Variants in VEGFC observed in about 807,000 individuals in gnomAD.
VEGFC encodes the protein FLT4 ligand DHM.
VEGFC carries 12 observed loss-of-function variants against 46.1 expected under a neutral mutation model. The ratio of observed to expected loss-of-function variants is 0.26; its 90% CI spans 0.17 to 0.42. The LOEUF (loss-of-function observed/expected upper bound fraction) is 0.42, where lower values mean the gene tolerates loss of function less well. VEGFC is among the 10% of genes least tolerant of loss of function. VEGFC has a pLI of 1.00. For synonymous variants in VEGFC, 232 were observed against 195.5 expected, an observed-to-expected ratio of 1.19 and a Z score of -1.56; for missense variants, 488 against 529.4, an observed-to-expected ratio of 0.92 and a Z score of 0.77.
At chr4:176,703,505 G>GT (rs1232213010) in intron 4 of VEGFC, among the ~76,000 whole-genome samples, 1 of 152,038 alleles carries the variant, frequency 6.6e-6, no homozygotes, top group African/African-American at 2.4e-5. Context: ...ATGAAGAGAG[G>GT]TTGGTAATGC....
intron 1 of VEGFC, among the ~76,000 whole-genome samples, chr4:176,771,402 C>G (rs551816348): frequency 6.6e-6 from 1 of 152,226 alleles, no homozygotes; most frequent in South Asian, 2.1e-4. Flanking sequence ...GTTTGATACA[C>G]AGTCTACTTA....
intron 1 of VEGFC, among the ~76,000 whole-genome samples, chr4:176,742,073 C>T (rs985841591): frequency 2.0e-5 from 3 of 151,864 alleles, no homozygotes; most frequent in Non-Finnish European, 2.9e-5. Flanking sequence ...TTCTACAACC[C>T]TTGTTCTCCT....
At chr4:176,719,185 T>C (rs1037720655) in intron 3 of VEGFC, among the ~76,000 whole-genome samples, 2 of 152,226 alleles carry the variant, frequency 1.3e-5, no homozygotes, top group African/African-American at 2.4e-5. Context: ...ATGAAGTATC[T>C]ATAAAAAACT....
At chr4:176,691,066 C>A (rs1734168346) in intron 4 of VEGFC, among the ~76,000 whole-genome samples, 1 of 152,116 alleles carries the variant, frequency 6.6e-6, no homozygotes, top group Non-Finnish European at 1.5e-5. Context: ...AAAGAAAGCA[C>A]CGTGCTTCAA....
chr4:176,779,199 C>T (rs1735866354), intron 1 of VEGFC, among the ~76,000 whole-genome samples: 1 of 152,030 alleles, frequency 6.6e-6, no homozygotes, highest in South Asian at 2.1e-4. Context: ...GAAAAGACAA[C>T]AGAGCTGATA....
At chr4:176,790,735 T>C (rs1338897039) in intron 1 of VEGFC, among the ~76,000 whole-genome samples, 2 of 152,234 alleles carry the variant, frequency 1.3e-5, no homozygotes, top group Admixed American at 1.3e-4. Context: ...GTTTTGACTT[T>C]GCAGAAATAG....
At chr4:176,752,146 T>C (rs1001237824) in intron 1 of VEGFC, among the ~76,000 whole-genome samples, 2 of 151,994 alleles carry the variant, frequency 1.3e-5, no homozygotes, top group Non-Finnish European at 2.9e-5. Flanking sequence ...ATCTTTTCTG[T>C]GATAAATACT....
intron 1 of VEGFC, among the ~76,000 whole-genome samples, chr4:176,741,693 A>C (rs1393442484): frequency 2.0e-5 from 3 of 152,006 alleles, no homozygotes; most frequent in African/African-American, 7.2e-5. Context: ...TACTGATTGT[A>C]CTGTTCATTA....
intron 1 of VEGFC, among the ~76,000 whole-genome samples, chr4:176,759,548 T>C (rs940253324): frequency 6.6e-6 from 1 of 152,106 alleles, no homozygotes; most frequent in Non-Finnish European, 1.5e-5. Flanking sequence ...GAAGATGTAA[T>C]ATACTCATGG....
intron 4 of VEGFC, among the ~76,000 whole-genome samples, chr4:176,695,676 A>C (rs1734298589): frequency 6.6e-6 from 1 of 152,188 alleles, no homozygotes; most frequent in Non-Finnish European, 1.5e-5. Flanking sequence ...GACACAACAA[A>C]AAAAGAGAAT....
rs189543702 is a variant in VEGFC, at chr4:176,743,814, C to G, written c.148-14068G>C. ...TTTATTCTGCAAGCTAAATAAAAAT[C>G]ACCTTTCTAACCTCTTCATAATACC... On this transcript the variant is annotated intron_variant, in intron 1 of 6. Transcript: ENST00000618562. 1.0e-2 allele frequency among the ~76,000 whole-genome samples: 1,512 copies of G among 151,888 alleles called. 11 individuals carry two copies. The highest frequency in any genetic ancestry group is 0.016 in the Non-Finnish European group (1,091 of 67,888).
chr4:176,743,269 T>C (rs1414458957), intron 1 of VEGFC, among the ~76,000 whole-genome samples: 1 of 152,024 alleles, frequency 6.6e-6, no homozygotes, highest in Non-Finnish European at 1.5e-5. Flanking sequence ...TTCCAAACTA[T>C]CTATTTTCAT....
rs1736116964 is a variant in VEGFC at position 176,792,430 on chromosome 4, C to A, written c.-119G>T. The A allele has an allele frequency of 6.4e-6, 5 of 776,672 alleles. No individual in the cohort carries two copies. The highest frequency in any genetic ancestry group is 9.1e-6 in the Non-Finnish European group (5 of 549,212). The allele number at this position is 776,672 out of a possible 1,614,324, so 48.1% of individuals were successfully genotyped here. On this transcript the variant is annotated 5_prime_UTR_variant, in exon 1 of 7. Transcript: ENST00000618562. The surrounding 1 kb of genome is among the most constrained non-coding windows in gnomAD (Gnocchi z 6.3). ...CTCTCCCCCGGGCTCCTCCCGGCGA[C>A]CCCCCCTGGGCGAGCCGGAGGCGGC...
At chr4:176,771,874 T>C (rs1208567134) in intron 1 of VEGFC, among the ~76,000 whole-genome samples, 2 of 152,202 alleles carry the variant, frequency 1.3e-5, no homozygotes, top group Non-Finnish European at 2.9e-5. Context: ...GGAATTATGG[T>C]ATTCTGTTAT....
intron 3 of VEGFC, among the ~76,000 whole-genome samples, chr4:176,720,285 C>T (rs1024023917): frequency 2.0e-5 from 3 of 152,016 alleles, no homozygotes; most frequent in African/African-American, 7.2e-5. Flanking sequence ...AATGATGCTT[C>T]CTCCCAAATC....
At chr4:176,779,209 A>G (rs1400579881) in intron 1 of VEGFC, among the ~76,000 whole-genome samples, 2 of 152,230 alleles carry the variant, frequency 1.3e-5, no homozygotes, top group Non-Finnish European at 2.9e-5. Context: ...CAGAGCTGAT[A>G]GAACCTGATT....
intron 4 of VEGFC, among the ~76,000 whole-genome samples, chr4:176,705,122 T>A (rs1306194164): frequency 2.0e-5 from 3 of 152,208 alleles, no homozygotes; most frequent in Non-Finnish European, 4.4e-5. Context: ...TAAAGAATTA[T>A]ATTATTCATT....
intron 1 of VEGFC, among the ~76,000 whole-genome samples, chr4:176,752,888 A>G (rs1735363906): frequency 6.6e-6 from 1 of 152,048 alleles, no homozygotes; most frequent in Non-Finnish European, 1.5e-5. Context: ...TCCTCATTTG[A>G]TAACAACAGT....
intron 1 of VEGFC, among the ~76,000 whole-genome samples, chr4:176,761,061 A>G (rs1319042786): frequency 6.6e-6 from 1 of 152,162 alleles, no homozygotes; most frequent in East Asian, 1.9e-4. Context: ...AACGTTCTGT[A>G]TTTTCTTGTG....
Sources: allele counts gnomAD v4.1 joint callset (sites outside exome capture counted in the v4.1 genomes callset), GRCh38; gene constraint gnomAD v4.1.1; non-coding constraint Gnocchi (gnomAD v3.1); transcripts MANE v1.5; gene names NCBI Gene and HGNC (gene_info 2026-07-23, HGNC 2026-07-21).